TRPM4: variants seen among roughly 807,000 people sequenced by gnomAD.
TRPM4 encodes the protein transient receptor potential cation channel subfamily M member 4.
In TRPM4, 124 loss-of-function variants were observed where a neutral mutation model predicts 135.6. That is an observed-to-expected ratio of 0.91 (90% CI 0.79 to 1.06). The LOEUF is 1.06. Ranked by LOEUF, TRPM4 falls within the 50% of genes least tolerant of loss-of-function variation. The probability of loss-of-function intolerance (pLI) is 0.00; values close to 1 mark genes in which losing one functional copy is unlikely to be tolerated. For missense variants in TRPM4, 1,658 were observed against 1,671.4 expected (o/e 0.99, Z 0.14); for synonymous variants, 745 against 705.6 (o/e 1.06, Z -0.88).
chr19:49,172,393 A>C (rs996311339), intron 9 of TRPM4, among the ~76,000 whole-genome samples: 1 of 151,844 alleles, frequency 6.6e-6, no homozygotes. Flanking sequence ...TTTACCTACC[A>C]TCCTTCCAGT....
chr19:49,183,197 G>A lies in TRPM4; in HGVS notation c.1728G>A (p.Met576Ile). The change falls in exon 12 of 25, where the codon ATG (methionine) becomes ATA (isoleucine). Residue 576 changes from methionine to isoleucine, a missense_variant. Met to Ile is a conservative substitution (Grantham distance 10). Around this residue, in one of 3 missense-constraint regions of TRPM4, gnomAD observed 1,412 missense variants for 1,408.7 expected, o/e 1.00. Coordinates refer to ENST00000252826, the MANE Select transcript of TRPM4 (RefSeq NM_017636.4). ...ALLLNRAQMA[M>I]YFWEMGSNAV... ...TGCTGAACAGGGCACAGATGGCCAT[G>A]TACTTCTGGGAGATGGTGAGTGCTG... 1.2e-6 allele frequency: 2 copies of A among 1,614,186 alleles called. No homozygotes were observed. The highest frequency in any genetic ancestry group is 1.1e-5 in the South Asian group (1 of 91,080).
rs866431568 is a variant in TRPM4, at chr19:49,182,725, T to C, written c.1411T>C (p.Ser471Pro). ...AQLYSAAPSN[S>P]LIRNLLDQAS... ...ACTCTACAGCGCGGCGCCCTCCAAC[T>C]CGCTCATCCGCAACCTTTTGGACCA... Residue 471 changes from serine (S) to proline (P), a missense_variant, in exon 11 of 25, where the codon TCG becomes CCG. Around this residue, in one of 3 missense-constraint regions of TRPM4, gnomAD observed 1,412 missense variants for 1,408.7 expected, o/e 1.00. Transcript: ENST00000252826. The C allele has an allele frequency of 6.2e-7, 1 of 1,613,980 alleles. No homozygotes were observed. The highest frequency in any genetic ancestry group is 1.3e-5 in the African/African-American group (1 of 75,038).
chr19:49,157,905 A>G lies in TRPM4; in HGVS notation c.24+15A>G, dbSNP rs1256581057. 2.6e-6 allele frequency: 4 copies of G among 1,535,062 alleles called. No individual in the cohort carries two copies. The highest frequency in any genetic ancestry group is 3.5e-6 in the Non-Finnish European group (4 of 1,146,430). On this transcript the variant is annotated intron_variant, in intron 1 of 24. Coordinates refer to ENST00000252826, the MANE Select transcript of TRPM4 (RefSeq NM_017636.4). ...AGAAGGAGCAGGTGAGCGCCGGACC[A>G]GGGTCTGCGGGAGCGCGGAGCTGGG... is the stretch of plus-strand genomic sequence containing the variant.
In TRPM4 at chr19:49,182,821, G is replaced by C. The variant is rs577719057; in HGVS notation, c.1507G>C (p.Val503Leu). 50 of 1,613,372 alleles carry C rather than the reference G, an allele frequency of 3.1e-5. No homozygotes were observed. The South Asian group carries it at 5.2e-4, about 17-fold the overall frequency. Residue 503 changes from valine to leucine, a missense_variant, in exon 11 of 25, where the codon GTG (valine) becomes CTG (leucine). This residue lies in a region of TRPM4 where 1,412 missense variants were observed against 1,408.7 expected (regional missense o/e 1.00). Transcript: ENST00000252826. ...AGCTGCGGAGCTCCGGCCCCCTGAC[G>C]TGGGGCATGTGCTGAGGATGCTGCT... is the stretch of plus-strand genomic sequence containing the variant. ...GGAAELRPPD[V>L]GHVLRMLLGK...
chr19:49,207,636 CAAAAAAAAAAAA>C (rs34758808), intron 20 of TRPM4, among the ~76,000 whole-genome samples: 1 of 38,992 alleles, frequency 2.6e-5, no homozygotes, highest in Non-Finnish European at 5.1e-5. Context: ...AACCTTGTCT[CAAAAAAAAAAAA>C]AAAAAAAAAA....
intron 9 of TRPM4, among the ~76,000 whole-genome samples, chr19:49,172,348 A>G (rs1157772003): frequency 6.6e-6 from 1 of 151,962 alleles, no homozygotes; most frequent in Non-Finnish European, 1.5e-5. Context: ...TCATCTTTCC[A>G]TCCATCCACA....
chr19:49,182,192 A>ACATCCACCTATCCATTCATCCATC (rs1555755531), intron 10 of TRPM4, among the ~76,000 whole-genome samples: 17 of 73,548 alleles, frequency 2.3e-4, no homozygotes, highest in East Asian at 7.8e-4. Flanking sequence ...ATTCATCCAT[A>ACATCCACCTATCCATTCATCCATC]CATCCATCCA....
intron 6 of TRPM4, among the ~76,000 whole-genome samples, chr19:49,169,125 G>A (rs1419442143): frequency 2.7e-5 from 4 of 149,914 alleles, no homozygotes; most frequent in South Asian, 4.4e-4. Context: ...GCTTGAACCC[G>A]GGAGGTGGAG....
chr19:49,208,311 C>G (rs942959715), intron 20 of TRPM4, among the ~76,000 whole-genome samples: 93 of 151,822 alleles, frequency 6.1e-4, no homozygotes, highest in Admixed American at 1.2e-3. Flanking sequence ...GGTGGTGGAG[C>G]AGTCTTCTCT....
intron 12 of TRPM4, among the ~76,000 whole-genome samples, chr19:49,183,528 C>G (rs902416258): frequency 9.9e-5 from 15 of 152,092 alleles, no homozygotes; most frequent in South Asian, 2.1e-4. Context: ...TCCGGAGTAG[C>G]TGGGATTACA....
Position 49,188,966 on chromosome 19 carries a change from C to T in TRPM4, c.1894C>T (p.Arg632Cys), listed in dbSNP as rs1287233315. ...MGVDLFGECY[R>C]SSEVRAARLL... ...CCCAGACCTCTTTGGCGAGTGCTAT[C>T]GCAGCAGTGAGGTGAGGGCTGCCCG... is the stretch of plus-strand genomic sequence containing the variant. Residue 632 changes from arginine to cysteine, a missense_variant, in exon 14 of 25, where the codon CGC becomes TGC. This residue lies in a region of TRPM4 where 1,412 missense variants were observed against 1,408.7 expected (regional missense o/e 1.00). Coordinates refer to ENST00000252826, the MANE Select transcript of TRPM4 (RefSeq NM_017636.4). The T allele has an allele frequency of 1.2e-5, 19 of 1,614,042 alleles. No homozygotes were observed. The highest frequency in any genetic ancestry group is 2.7e-5 in the African/African-American group (2 of 74,940).
chr19:49,202,092 C>T lies in TRPM4; in HGVS notation c.3082C>T (p.Leu1028=), dbSNP rs79286201. The change falls in exon 20 of 25, where the codon CTG becomes TTG. Residue 1028 remains leucine (L), a synonymous_variant. Coordinates refer to ENST00000252826, the MANE Select transcript of TRPM4 (RefSeq NM_017636.4). ...WLVVLLLVIF[L]LVANILLVNL... is the part of the protein sequence containing the mutation. The stretch of plus-strand genomic sequence containing the variant: ...GGTGGTGCTGCTCCTCGTCATCTTC[C>T]TGCTCGTGGCCAACATCCTGCTGGT... The T allele has an allele frequency of 1.9e-3, 3,042 of 1,614,088 alleles. 58 individuals are homozygous for T. The African/African-American group carries it at 0.034, about 18-fold the overall frequency.
At chr19:49,192,193 A>C (rs1968437107) in intron 16 of TRPM4, among the ~76,000 whole-genome samples, 1 of 152,146 alleles carries the variant, frequency 6.6e-6, no homozygotes, top group Non-Finnish European at 1.5e-5. Flanking sequence ...GCCAGGCAGG[A>C]GTGCGGTGCC....
rs540807739 is a variant in TRPM4, at chr19:49,210,500, G to A, written c.3328+95G>A. 1.1e-5 allele frequency: 17 copies of A among 1,501,562 alleles called. No homozygotes were observed. In the East Asian group the frequency reaches 1.8e-4, roughly 16 times the overall value. 93.0% of individuals were successfully genotyped at this position (1,501,562 alleles called of 1,614,324 possible). ...GGCATGCCCCAAATGACTAACGGGC[G>A]TGGCTTAGGTAGCGAGGGGCGGGGT... On this transcript the variant is annotated intron_variant, in intron 21 of 24. Transcript: ENST00000252826. The surrounding 1 kb of genome is among the most constrained non-coding windows in gnomAD (Gnocchi z 4.1).
At chr19:49,187,057 C>G (rs1035935411) in intron 12 of TRPM4, among the ~76,000 whole-genome samples, 1 of 151,958 alleles carries the variant, frequency 6.6e-6, no homozygotes, top group South Asian at 2.1e-4. Context: ...CTAGTACTAG[C>G]GACCCACACC....
intron 20 of TRPM4, among the ~76,000 whole-genome samples, chr19:49,206,377 T>C (rs1969151030): frequency 6.6e-6 from 1 of 152,196 alleles, no homozygotes; most frequent in Non-Finnish European, 1.5e-5. Flanking sequence ...CTATATGAAC[T>C]TAAAGATCAG....
At chr19:49,197,340 CT>C (rs754336335) in intron 17 of TRPM4, among the ~76,000 whole-genome samples, 1 of 121,324 alleles carries the variant, frequency 8.2e-6, no homozygotes, top group East Asian at 2.2e-4. Flanking sequence ...TTCTTTCTTT[CT>C]TTCTTTCTTT....
rs535213339 is a variant in TRPM4 at position 49,210,201 on chromosome 19, C to T, written c.3132-8C>T. On this transcript the variant is annotated splice_polypyrimidine_tract_variant and splice_region_variant and intron_variant, in intron 20 of 24. Coordinates refer to ENST00000252826, the MANE Select transcript of TRPM4 (RefSeq NM_017636.4). This position sits in a 1 kb window ranked among gnomAD's most constrained non-coding sequence, Gnocchi z 4.1. ...CCTCAAGTGACCTTTGACCTCTGGCCTTTGCAGTTACACATTCGGCAAAGT... is the reference window on the plus strand; with the variant it reads ...CCTCAAGTGACCTTTGACCTCTGGCTTTTGCAGTTACACATTCGGCAAAGT... 6.2e-7 allele frequency: 1 copy of T among 1,614,232 alleles called. No homozygotes were observed. The highest frequency in any genetic ancestry group is 1.3e-5 in the African/African-American group (1 of 75,066).
At chr19:49,165,766 C>T (rs1010146477) in intron 2 of TRPM4, among the ~76,000 whole-genome samples, 1 of 152,114 alleles carries the variant, frequency 6.6e-6, no homozygotes, top group African/African-American at 2.4e-5. Flanking sequence ...CCTCTGCCTT[C>T]CCACTTGAGG....
Sources: allele counts gnomAD v4.1 joint callset (sites outside exome capture counted in the v4.1 genomes callset), GRCh38; gene constraint gnomAD v4.1.1; regional missense constraint gnomAD v4.1.1; non-coding constraint Gnocchi (gnomAD v3.1); transcripts MANE v1.5; gene names NCBI Gene and HGNC (gene_info 2026-07-23, HGNC 2026-07-21).